The following INPP4B variants were observed in gnomAD, a reference collection of about 807,000 sequenced individuals.
The protein encoded by INPP4B is inositol polyphosphate-4-phosphatase type II B.
In INPP4B, 55 loss-of-function variants were observed where a neutral mutation model predicts 122.5. That is an observed-to-expected ratio of 0.45 (90% confidence interval 0.36 to 0.56). The LOEUF is 0.56. Among genes scored for constraint, INPP4B ranks in the 20% least tolerant of loss-of-function variants. The pLI is 0.00. For synonymous variants in INPP4B, 403 were observed against 388.7 expected (o/e 1.04, Z -0.43); for missense variants, 1,000 against 1,097.7 (o/e 0.91, Z 1.26).
intron 1 of INPP4B, among the ~76,000 whole-genome samples, chr4:142,829,413 T>C (rs1309283089): frequency 1.3e-5 from 2 of 152,174 alleles, no homozygotes; most frequent in African/African-American, 4.8e-5. Flanking sequence ...TCCCCAGGAC[T>C]GGCTGTGCCT....
At chr4:142,362,509 G>T (rs1785806239) in intron 7 of INPP4B, among the ~76,000 whole-genome samples, 1 of 151,826 alleles carries the variant, frequency 6.6e-6, no homozygotes, top group South Asian at 2.1e-4. Context: ...GTCCAAATTG[G>T]GAATCAATAA....
At chr4:142,615,163 A>T (rs1188194539) in intron 2 of INPP4B, among the ~76,000 whole-genome samples, 2 of 152,174 alleles carry the variant, frequency 1.3e-5, no homozygotes, top group Admixed American at 1.3e-4. Flanking sequence ...GTTCTGAGTC[A>T]GTATGACTGA....
At chr4:142,651,916 C>CA (rs1351159331) in intron 2 of INPP4B, among the ~76,000 whole-genome samples, 2 of 151,932 alleles carry the variant, frequency 1.3e-5, no homozygotes, top group African/African-American at 2.4e-5. Flanking sequence ...AGAGACACAA[C>CA]AAAAAAAGAA....
chr4:142,238,725 T>G (rs1408755889), intron 11 of INPP4B, among the ~76,000 whole-genome samples: 1 of 152,112 alleles, frequency 6.6e-6, no homozygotes, highest in Non-Finnish European at 1.5e-5. Context: ...AACAAGGTCA[T>G]GTAACCACAA....
At chr4:142,708,930 G>T (rs552336948) in intron 2 of INPP4B, among the ~76,000 whole-genome samples, 1 of 152,106 alleles carries the variant, frequency 6.6e-6, no homozygotes. Context: ...GCCTGTGAAA[G>T]CAGTGGAGGG....
chr4:142,251,910 G>A (rs1203002023), intron 11 of INPP4B, among the ~76,000 whole-genome samples: 2 of 152,144 alleles, frequency 1.3e-5, no homozygotes, highest in Non-Finnish European at 2.9e-5. Context: ...GTACAACATG[G>A]CAGGGCTAGA....
At chr4:142,301,744 A>G (rs559018808) in intron 9 of INPP4B, among the ~76,000 whole-genome samples, 1 of 152,202 alleles carries the variant, frequency 6.6e-6, no homozygotes, top group Non-Finnish European at 1.5e-5. Flanking sequence ...ACTGAGTGAA[A>G]TCCAAACTGT....
chr4:142,105,832 A>G (rs1434322943), intron 23 of INPP4B, among the ~76,000 whole-genome samples: 3 of 152,200 alleles, frequency 2.0e-5, no homozygotes, highest in Non-Finnish European at 2.9e-5. Context: ...AAGAAGGAAA[A>G]TAATAGATTA....
chr4:142,560,478 A>G (rs1730217209), intron 2 of INPP4B: 1 of 152,308 alleles, frequency 6.6e-6, no homozygotes, highest in African/African-American at 2.4e-5. Flanking sequence ...GTGAAGTTCC[A>G]CAATAGGCTG....
intron 2 of INPP4B, among the ~76,000 whole-genome samples, chr4:142,685,466 T>C (rs993247739): frequency 7.2e-5 from 11 of 152,134 alleles, no homozygotes; most frequent in African/African-American, 2.7e-4. Flanking sequence ...CAGTATAGTT[T>C]TTTGATATGG....
intron 23 of INPP4B, among the ~76,000 whole-genome samples, chr4:142,103,209 G>A (rs757232009): frequency 9.2e-5 from 14 of 151,860 alleles, no homozygotes; most frequent in African/African-American, 2.9e-4. Flanking sequence ...TCATTTTCAC[G>A]TGGATGGTAC....
At chr4:142,485,783 G>A (rs28576569) in intron 2 of INPP4B, among the ~76,000 whole-genome samples, 5 of 152,128 alleles carry the variant, frequency 3.3e-5, no homozygotes, top group East Asian at 3.9e-4. Flanking sequence ...GTAATTACAC[G>A]CATAAACTAG....
chr4:142,208,968 T>C lies in INPP4B; in HGVS notation c.895A>G (p.Asn299Asp), dbSNP rs540990549. ...LSPHWDNLRK[N>D]VLTHCDQMVN... ...ATTTGATCACAGTGAGTAAGGACAT[T>C]TTTTCGCAGATTGTCCCAATGTGGA... The change falls in exon 13 of 26, where the codon AAT becomes GAT. Residue 299 changes from asparagine (N) to aspartate (D), a missense_variant. By Grantham distance (23) the Asn-to-Asp change is conservative. Transcript: ENST00000262992. The C allele has an allele frequency of 1.5e-5, 24 of 1,606,462 alleles. No homozygotes were observed. The highest frequency in any genetic ancestry group is 2.0e-5 in the Non-Finnish European group (23 of 1,175,218).
At chr4:142,546,057 T>C (rs910078310) in intron 2 of INPP4B, among the ~76,000 whole-genome samples, 2 of 152,018 alleles carry the variant, frequency 1.3e-5, no homozygotes, top group African/African-American at 2.4e-5. Flanking sequence ...TACTGATTAG[T>C]GATTTTTCCT....
At chr4:142,801,734 G>C (rs1389709230) in intron 1 of INPP4B, among the ~76,000 whole-genome samples, 2 of 152,174 alleles carry the variant, frequency 1.3e-5, no homozygotes, top group Admixed American at 1.3e-4. Context: ...TAATGGAGAA[G>C]CATAAGTCAG....
chr4:142,582,648 A>C (rs1735355593), intron 2 of INPP4B, among the ~76,000 whole-genome samples: 1 of 152,144 alleles, frequency 6.6e-6, no homozygotes, highest in Non-Finnish European at 1.5e-5. Context: ...GTCTTTTGTA[A>C]AAACCTTGCA....
intron 2 of INPP4B, among the ~76,000 whole-genome samples, chr4:142,649,966 G>T (rs1560918303): frequency 6.6e-6 from 1 of 152,238 alleles, no homozygotes; most frequent in African/African-American, 2.4e-5. Context: ...CAGCCAGAGA[G>T]AAAGGTTGGG....
At chr4:142,796,423 T>G (rs1426597858) in intron 1 of INPP4B, among the ~76,000 whole-genome samples, 1 of 151,954 alleles carries the variant, frequency 6.6e-6, no homozygotes, top group African/African-American at 2.4e-5. Flanking sequence ...CTGTTAAGAA[T>G]AAAACAGAAG....
intron 12 of INPP4B, among the ~76,000 whole-genome samples, chr4:142,210,736 T>G (rs533029039): frequency 2.0e-5 from 3 of 152,310 alleles, no homozygotes; most frequent in East Asian, 3.9e-4. Flanking sequence ...CTAACAATTT[T>G]TATTTAGTAC....
Sources: gnomAD v4.1 joint callset for allele counts (sites outside exome capture counted in the v4.1 genomes callset) on GRCh38, gnomAD v4.1.1 for gene constraint, MANE v1.5 for transcripts, NCBI Gene and HGNC (gene_info 2026-07-23, HGNC 2026-07-21) for gene names.